Variants in TRAPPC3L observed in about 807,000 individuals in gnomAD.
TRAPPC3L encodes the protein trafficking protein particle complex subunit 3L.
In TRAPPC3L, 23 loss-of-function variants were observed where a neutral mutation model predicts 23.7. The observed-to-expected ratio is 0.97, with a 90% CI of 0.70 to 1.37. TRAPPC3L has a LOEUF of 1.37. Ranked by LOEUF, TRAPPC3L falls within the 40% of genes most tolerant of loss-of-function variation. TRAPPC3L has a pLI of 0.00. For missense variants in TRAPPC3L, 212 were observed against 216.8 expected (o/e 0.98, Z 0.14); for synonymous variants, 81 against 77.9 (o/e 1.04, Z -0.21).
At chr6:116,532,230 T>C (rs944293892) in intron 3 of TRAPPC3L, among the ~76,000 whole-genome samples, 5 of 152,188 alleles carry the variant, frequency 3.3e-5, no homozygotes, top group African/African-American at 1.2e-4. Flanking sequence ...GGTGTAGATG[T>C]GAAAAGTTCT....
At chr6:116,517,937 G>A (rs1182321197) in intron 3 of TRAPPC3L, 1 of 152,220 alleles carries the variant, frequency 6.6e-6, no homozygotes, top group African/African-American at 2.4e-5. Flanking sequence ...GGTTCAGAGA[G>A]CTTCTGCATT....
At chr6:116,543,199 G>T in intron 2 of TRAPPC3L, 104 bp downstream of exon 2, 1 of 794,824 alleles carries the variant, frequency 1.3e-6, no homozygotes, top group Non-Finnish European at 1.9e-6. Context: ...TGAGACAGAA[G>T]AACAGCTGGT....
Position 116,543,295 on chromosome 6 carries a change from C to A in TRAPPC3L, c.140+8G>T, listed in dbSNP as rs1773574972. The stretch of plus-strand genomic sequence containing the variant: ...GCCATTCAATAAGAATGAAGGACTT[C>A]CACTTACATTTTATCTAAATATTGG... On this transcript the variant is annotated splice_region_variant and intron_variant, in intron 2 of 4. Coordinates refer to ENST00000368602, the MANE Select transcript of TRAPPC3L (RefSeq NM_001139444.3). The A allele has an allele frequency of 9.7e-6, 15 of 1,541,658 alleles. No individual in the cohort carries two copies. The highest frequency in any genetic ancestry group is 1.1e-5 in the Non-Finnish European group (13 of 1,140,818).
intron 3 of TRAPPC3L, among the ~76,000 whole-genome samples, chr6:116,511,183 G>GATATATATATATATATATATAT (rs59420398): frequency 1.1e-4 from 16 of 141,496 alleles, no homozygotes; most frequent in African/African-American, 3.3e-4. Flanking sequence ...AAAAGCTATT[G>GATATATATATATATATATATAT]ATATATATAT....
At chr6:116,531,047 G>T (rs1421407751) in intron 3 of TRAPPC3L, among the ~76,000 whole-genome samples, 1 of 151,396 alleles carries the variant, frequency 6.6e-6, no homozygotes, top group Non-Finnish European at 1.5e-5. Flanking sequence ...CCTTCCTGAG[G>T]GGCTCCCTAT....
intron 3 of TRAPPC3L, among the ~76,000 whole-genome samples, chr6:116,535,569 G>C (rs1773022815): frequency 6.6e-6 from 1 of 152,076 alleles, no homozygotes; most frequent in South Asian, 2.1e-4. Context: ...TAACTAAGGA[G>C]GTTTTTTGGC....
intron 3 of TRAPPC3L, among the ~76,000 whole-genome samples, chr6:116,514,518 T>C (rs754586755): frequency 6.6e-6 from 1 of 152,216 alleles, no homozygotes; most frequent in Non-Finnish European, 1.5e-5. Context: ...ATGTGTCCAG[T>C]ATCATTTCAT....
chr6:116,529,044 C>T (rs958933739), intron 3 of TRAPPC3L: 1 of 152,376 alleles, frequency 6.6e-6, no homozygotes, highest in Non-Finnish European at 1.5e-5. Context: ...CCTGCCTACA[C>T]TGTGCTGAGA....
chr6:116,541,752 C>G (rs1456639707), intron 2 of TRAPPC3L, among the ~76,000 whole-genome samples: 1 of 152,186 alleles, frequency 6.6e-6, no homozygotes, highest in East Asian at 1.9e-4. Flanking sequence ...CTAATTCTCA[C>G]TTTGCATATC....
In TRAPPC3L at chr6:116,496,897, C is replaced by T; in HGVS notation, c.*57G>A. 4.6e-6 allele frequency: 7 copies of T among 1,508,480 alleles called. No homozygotes were observed. The South Asian group carries it at 7.8e-5, about 17-fold the overall frequency. 93.4% of individuals were successfully genotyped at this position (1,508,480 alleles called of 1,614,324 possible). On this transcript the variant is annotated 3_prime_UTR_variant, in exon 5 of 5. Transcript: ENST00000368602. ...GCAATTCAAAATTTCTATGTCTATA[C>T]ATGTTTAGCTAACATTAACTCAGCT...
At chr6:116,542,575 C>T (rs1773530315) in intron 2 of TRAPPC3L, among the ~76,000 whole-genome samples, 1 of 151,996 alleles carries the variant, frequency 6.6e-6, no homozygotes, top group African/African-American at 2.4e-5. Flanking sequence ...AATTAAAAAG[C>T]TCAAAAACCA....
chr6:116,542,991 T>G (rs1392411790), intron 2 of TRAPPC3L, among the ~76,000 whole-genome samples: 1 of 152,166 alleles, frequency 6.6e-6, no homozygotes, highest in Non-Finnish European at 1.5e-5. Flanking sequence ...TTCCCTCATG[T>G]TGTTAATAGA....
intron 3 of TRAPPC3L, chr6:116,522,361 G>A (rs1257361662): frequency 1.3e-5 from 2 of 152,066 alleles, no homozygotes; most frequent in Non-Finnish European, 1.5e-5. Context: ...TGAATTTTGG[G>A]GCAATATGAA....
intron 3 of TRAPPC3L, among the ~76,000 whole-genome samples, chr6:116,538,720 T>C (rs951075929): frequency 6.6e-6 from 1 of 151,920 alleles, no homozygotes; most frequent in Non-Finnish European, 1.5e-5. Flanking sequence ...AGACAAAGTC[T>C]TAAATCTTTC....
chr6:116,529,694 G>A (rs1029900765), intron 3 of TRAPPC3L, among the ~76,000 whole-genome samples: 1 of 152,210 alleles, frequency 6.6e-6, no homozygotes, highest in Non-Finnish European at 1.5e-5. Context: ...ACCCTCATGA[G>A]GTGAATGCAG....
chr6:116,498,570 T>G (rs1478075684), intron 4 of TRAPPC3L, among the ~76,000 whole-genome samples: 2 of 152,234 alleles, frequency 1.3e-5, no homozygotes, highest in Non-Finnish European at 2.9e-5. Flanking sequence ...AAAATGAGAC[T>G]TTGTTGACTG....
chr6:116,505,240 C>G (rs1345510846), intron 3 of TRAPPC3L, among the ~76,000 whole-genome samples: 2 of 152,016 alleles, frequency 1.3e-5, no homozygotes, highest in South Asian at 2.1e-4. Context: ...AAACAGAGAG[C>G]CAAATCATGA....
intron 3 of TRAPPC3L, among the ~76,000 whole-genome samples, chr6:116,531,800 C>T (rs963619387): frequency 6.6e-5 from 10 of 151,420 alleles, no homozygotes; most frequent in African/African-American, 2.4e-4. Context: ...TCTTCTGAAA[C>T]CTTCTACACT....
chr6:116,539,776 A>G (rs1338317098), intron 3 of TRAPPC3L, among the ~76,000 whole-genome samples: 1 of 152,156 alleles, frequency 6.6e-6, no homozygotes, highest in African/African-American at 2.4e-5. Flanking sequence ...AATTAACAAC[A>G]CTACATTAAT....
Sources: allele counts gnomAD v4.1 joint callset (sites outside exome capture counted in the v4.1 genomes callset), GRCh38; gene constraint gnomAD v4.1.1; transcripts MANE v1.5; gene names NCBI Gene and HGNC (gene_info 2026-07-23, HGNC 2026-07-21).